The following CNTNAP2 variants were observed in gnomAD, a reference collection of about 807,000 sequenced individuals.
CNTNAP2 encodes the protein contactin-associated protein-like 2.
Under a neutral mutation model 155.2 loss-of-function variants are expected in CNTNAP2, and 98 were observed. The observed-to-expected ratio is 0.63, with a 90% CI of 0.54 to 0.75. The LOEUF (loss-of-function observed/expected upper bound fraction) is 0.75, where lower values mean the gene tolerates loss of function less well. CNTNAP2 is among the 30% of genes least tolerant of loss of function. The pLI, the probability that CNTNAP2 is intolerant of heterozygous loss-of-function variation, is 0.00. For synonymous variants in CNTNAP2, 651 were observed against 631.2 expected, an observed-to-expected ratio of 1.03 and a Z score of -0.47; for missense variants, 1,727 against 1,688.1, an observed-to-expected ratio of 1.02 and a Z score of -0.40.
intron 13 of CNTNAP2, among the ~76,000 whole-genome samples, chr7:147,788,363 T>G (rs1323760005): frequency 6.6e-6 from 1 of 152,222 alleles, no homozygotes; most frequent in Non-Finnish European, 1.5e-5. Flanking sequence ...AATTGCAATA[T>G]GACCTTTTCA....
intron 1 of CNTNAP2, among the ~76,000 whole-genome samples, chr7:146,760,647 A>T (rs1802081861): frequency 6.7e-6 from 1 of 149,532 alleles, no homozygotes; most frequent in Non-Finnish European, 1.5e-5. Flanking sequence ...CTGGTCTCAA[A>T]CTCCTGAGCT....
intron 18 of CNTNAP2, among the ~76,000 whole-genome samples, chr7:148,204,685 C>G (rs1795418403): frequency 6.6e-6 from 1 of 152,016 alleles, no homozygotes; most frequent in South Asian, 2.1e-4. Context: ...TCAGTGGTTC[C>G]TGGTATCTCA....
chr7:146,943,730 A>G (rs1563014127), intron 3 of CNTNAP2, among the ~76,000 whole-genome samples: 1 of 152,278 alleles, frequency 6.6e-6, no homozygotes, highest in African/African-American at 2.4e-5. Context: ...CACTAGTGGC[A>G]CCTTGTATGG....
At chr7:146,564,202 G>A (rs1428882675) in intron 1 of CNTNAP2, among the ~76,000 whole-genome samples, 1 of 152,070 alleles carries the variant, frequency 6.6e-6, no homozygotes, top group Non-Finnish European at 1.5e-5. Context: ...CATCTACATG[G>A]ACAAAAGTAG....
At chr7:146,885,874 G>A (rs1795646077) in intron 3 of CNTNAP2, among the ~76,000 whole-genome samples, 1 of 151,498 alleles carries the variant, frequency 6.6e-6, no homozygotes, top group African/African-American at 2.4e-5. Context: ...ATTTTGCACA[G>A]GATAGAACTT....
intron 1 of CNTNAP2, among the ~76,000 whole-genome samples, chr7:146,333,915 G>A (rs1382834757): frequency 6.6e-6 from 1 of 152,116 alleles, no homozygotes; most frequent in Non-Finnish European, 1.5e-5. Flanking sequence ...TGGAATAAAT[G>A]CATTTATTTA....
intron 10 of CNTNAP2, among the ~76,000 whole-genome samples, chr7:147,476,918 A>G (rs1358327099): frequency 8.4e-6 from 1 of 119,592 alleles, no homozygotes; most frequent in East Asian, 2.4e-4. Context: ...ACAGAGCGAG[A>G]CTCTGTCATT....
At chr7:147,688,024 G>A (rs887238495) in intron 13 of CNTNAP2, among the ~76,000 whole-genome samples, 1 of 152,106 alleles carries the variant, frequency 6.6e-6, no homozygotes, top group African/African-American at 2.4e-5. Flanking sequence ...AATCCCTGCT[G>A]ACGGAATCTA....
Position 146,812,713 on chromosome 7 carries a change from G to A in CNTNAP2, c.209-26998G>A, listed in dbSNP as rs184382128. 2.0e-5 allele frequency among the ~76,000 whole-genome samples: 3 copies of A among 152,236 alleles called. No individual in the cohort carries two copies. In the East Asian group the frequency reaches 5.8e-4, roughly 29 times the overall value. On this transcript the variant is annotated intron_variant, in intron 2 of 23. Transcript: ENST00000361727. ...TTGCATAAGTAACATGGAGCCAAATGTTAATCACTAAGACAATGGGGAAAA... is the reference window on the plus strand; with the variant it reads ...TTGCATAAGTAACATGGAGCCAAATATTAATCACTAAGACAATGGGGAAAA...
intron 15 of CNTNAP2, among the ~76,000 whole-genome samples, chr7:147,986,969 C>T (rs1801630035): frequency 1.3e-5 from 2 of 151,510 alleles, no homozygotes; most frequent in South Asian, 4.2e-4. Context: ...AGCAAAAACG[C>T]CCTGGAGTGA....
rs577566129 is a variant in CNTNAP2 at position 146,174,168 on chromosome 7, C to T, written c.97+57195C>T. Among the ~76,000 whole-genome samples, 6 of 150,968 alleles carry T rather than the reference C, an allele frequency of 4.0e-5. No individual in the cohort carries two copies. In the South Asian group the frequency reaches 1.3e-3, roughly 32 times the overall value. ...AGTGAGCTATAATCCTGCCATTGCACTGTAGCCTGGGTGACAGACTAAGAT... is the reference window on the plus strand; with the variant it reads ...AGTGAGCTATAATCCTGCCATTGCATTGTAGCCTGGGTGACAGACTAAGAT... On this transcript the variant is annotated intron_variant, in intron 1 of 23. Transcript: ENST00000361727.
At chr7:148,016,003 TC>T (rs1200165855) in intron 15 of CNTNAP2, among the ~76,000 whole-genome samples, 1 of 152,246 alleles carries the variant, frequency 6.6e-6, no homozygotes, top group East Asian at 1.9e-4. Flanking sequence ...TTCCAAGCTT[TC>T]CCTTACAACT....
At chr7:148,049,378 C>A (rs917596776) in intron 15 of CNTNAP2, among the ~76,000 whole-genome samples, 1 of 151,838 alleles carries the variant, frequency 6.6e-6, no homozygotes, top group Non-Finnish European at 1.5e-5. Context: ...ATTATAATGT[C>A]AATTATATAT....
intron 9 of CNTNAP2, among the ~76,000 whole-genome samples, chr7:147,371,237 T>C (rs1185115748): frequency 6.6e-6 from 1 of 152,136 alleles, no homozygotes; most frequent in Admixed American, 6.6e-5. Flanking sequence ...GATTTGGAAT[T>C]AGCTGAGTGA....
chr7:146,932,514 T>C (rs1176229049), intron 3 of CNTNAP2, among the ~76,000 whole-genome samples: 1 of 152,154 alleles, frequency 6.6e-6, no homozygotes. Context: ...GCACTCCCTT[T>C]GAAAACTGGC....
chr7:147,925,401 T>G (rs1003040898), intron 14 of CNTNAP2, among the ~76,000 whole-genome samples: 8 of 152,014 alleles, frequency 5.3e-5, no homozygotes, highest in Admixed American at 5.2e-4. Flanking sequence ...ATTGACACAT[T>G]ATCATCCAAA....
intron 13 of CNTNAP2, among the ~76,000 whole-genome samples, chr7:147,763,444 T>C: frequency 6.8e-6 from 1 of 147,776 alleles, no homozygotes; most frequent in East Asian, 2.0e-4. Context: ...GAGACGGAAG[T>C]GGCAGTAGGA....
intron 13 of CNTNAP2, among the ~76,000 whole-genome samples, chr7:147,713,950 A>G (rs1796441780): frequency 6.6e-6 from 1 of 152,150 alleles, no homozygotes; most frequent in Admixed American, 6.6e-5. Flanking sequence ...TTAGATGCTT[A>G]ACGAATATTT....
intron 14 of CNTNAP2, among the ~76,000 whole-genome samples, chr7:147,969,908 AATTTATTTTATTTTATTTTATTTT>A (rs1205059111): frequency 6.9e-6 from 1 of 145,036 alleles, no homozygotes; most frequent in Non-Finnish European, 1.5e-5. Context: ...TTTAGTTATG[AATTTATTTTATTTTATTTTATTTT>A]ATTTATTTTA....
Sources: allele counts gnomAD v4.1 joint callset (sites outside exome capture counted in the v4.1 genomes callset), GRCh38; gene constraint gnomAD v4.1.1; transcripts MANE v1.5; gene names NCBI Gene and HGNC (gene_info 2026-07-23, HGNC 2026-07-21).